NOC2L: variants seen among roughly 807,000 people sequenced by gnomAD.
The protein encoded by NOC2L is nucleolar complex protein 2 homolog.
NOC2L carries 101 observed loss-of-function variants against 94.2 expected under a neutral mutation model. The ratio of observed to expected loss-of-function variants is 1.07; its 90% CI spans 0.91 to 1.26. NOC2L has a LOEUF of 1.26. Ranked by LOEUF, NOC2L falls within the 50% of genes most tolerant of loss-of-function variation. NOC2L has a pLI of 0.00. For synonymous variants in NOC2L, 531 were observed against 413.4 expected (o/e 1.28, Z -3.45); for missense variants, 1,076 against 980.1 (o/e 1.10, Z -1.31).
chr1:946,095 T>C (rs1168359508), intron 16 of NOC2L, 78 bp downstream of exon 16: 5 of 1,097,150 alleles, frequency 4.6e-6, no homozygotes, highest in Non-Finnish European at 6.8e-6. Flanking sequence ...ACCCTCGCCC[T>C]GGTCTCAAGT....
chr1:951,241 G>C lies in NOC2L; in HGVS notation c.1332-3C>G. Reference sequence around the variant, plus strand: ...AGAAGCGGGCAGTGGGGATGAGCCTGGGGGTGGGAAGGCCGAGTGAGCAGA... The same window carrying C: ...AGAAGCGGGCAGTGGGGATGAGCCTCGGGGTGGGAAGGCCGAGTGAGCAGA... On this transcript the variant is annotated splice_region_variant and splice_polypyrimidine_tract_variant and intron_variant, in intron 11 of 18. Coordinates refer to ENST00000327044, the MANE Select transcript of NOC2L (RefSeq NM_015658.4). The C allele has an allele frequency of 6.4e-7, 1 of 1,573,462 alleles. No homozygotes were observed. The highest frequency in any genetic ancestry group is 1.2e-5 in the South Asian group (1 of 85,862).
chr1:958,311 G>A (rs551758884), intron 2 of NOC2L: 35 of 204,192 alleles, frequency 1.7e-4, no homozygotes, highest in Middle Eastern at 2.1e-3. Flanking sequence ...GGAATGCAAT[G>A]GTGCCATCTC....
At chr1:955,840 C>A in intron 6 of NOC2L, 83 bp downstream of exon 6, 1 of 1,196,042 alleles carries the variant, frequency 8.4e-7, no homozygotes, top group South Asian at 1.3e-5. Context: ...TGTCTCTGTC[C>A]TAGCCACAAG....
chr1:954,955 GC>G (rs1019997937), intron 6 of NOC2L, among the ~76,000 whole-genome samples: 16 of 152,298 alleles, frequency 1.1e-4, no homozygotes, highest in African/African-American at 3.4e-4. Flanking sequence ...CCCCAGAAAG[GC>G]CCCCCGTCCT....
At chr1:956,236 G>C in intron 4 of NOC2L, 21 bp from the exon 5 acceptor site, 1 of 1,610,876 alleles carries the variant, frequency 6.2e-7, no homozygotes, top group Admixed American at 1.7e-5. Flanking sequence ...AAGAGTACCA[G>C]GGGCGTCAGG....
In NOC2L at chr1:948,116, G is replaced by A. The variant is rs1480121514; in HGVS notation, c.1659+15C>T. The A allele has an allele frequency of 2.6e-6, 4 of 1,565,318 alleles. No homozygotes were observed. In the South Asian group the frequency reaches 3.5e-5, roughly 14 times the overall value. On this transcript the variant is annotated intron_variant, in intron 14 of 18. Coordinates refer to ENST00000327044, the MANE Select transcript of NOC2L (RefSeq NM_015658.4). ...GTCTGAGTCGGCCACGAGCCGGTGT[G>A]GGCAGGACACACACCTGCAGGACCA...
rs755399008 is a variant in NOC2L at position 959,248 on chromosome 1, AC to A, written c.-9del. 17 of 1,604,264 alleles carry A rather than the reference AC, an allele frequency of 1.1e-5. No individual in the cohort carries two copies. The highest frequency in any genetic ancestry group is 1.4e-5 in the Non-Finnish European group (17 of 1,176,228). ...GCTCCCCGCAGCTGCCATGACACCA[AC>A]CCGAAGCGTGCACCCCACTTCCGGC... On this transcript the variant is annotated 5_prime_UTR_variant, in exon 1 of 19. Transcript: ENST00000327044.
chr1:944,936 G>C (rs952882391), intron 18 of NOC2L, 121 bp downstream of exon 18: 4 of 1,514,350 alleles, frequency 2.6e-6, no homozygotes, highest in African/African-American at 2.8e-5. Flanking sequence ...AGAGCATTTG[G>C]CCTGGCCTTC....
intron 8 of NOC2L, among the ~76,000 whole-genome samples, 174 bp downstream of exon 8, chr1:953,608 G>A (rs912547783): frequency 2.0e-5 from 3 of 152,268 alleles, no homozygotes; most frequent in African/African-American, 4.8e-5. Context: ...GACTGCCTGA[G>A]ACAGAAACCC....
intron 12 of NOC2L, among the ~76,000 whole-genome samples, chr1:950,364 C>T (rs1642222810): frequency 6.6e-6 from 1 of 151,428 alleles, no homozygotes; most frequent in Non-Finnish European, 1.5e-5. Flanking sequence ...TTCATGCATG[C>T]ACAGGTAGAC....
Position 944,330 on chromosome 1 carries a change from C to T in NOC2L, c.*364G>A. The stretch of plus-strand genomic sequence containing the variant: ...TTTCAAAGACTTGGGGGAGTGAAGG[C>T]AGAGCCTGGTGCAGATGGACGAGGT... On this transcript the variant is annotated 3_prime_UTR_variant, in exon 19 of 19. Coordinates refer to ENST00000327044, the MANE Select transcript of NOC2L (RefSeq NM_015658.4). 4 of 1,382,854 alleles carry T rather than the reference C, an allele frequency of 2.9e-6. No individual in the cohort carries two copies. Among genetic ancestry groups the T allele is most frequent in the East Asian group, 2.8e-5 (1 of 36,320 alleles). The allele number at this position is 1,382,854 out of a possible 1,614,324, so 85.7% of individuals were successfully genotyped here. A position where few individuals can be genotyped will look rare whatever the true frequency, so the allele number is the denominator to read the frequency against.
chr1:944,490 G>A lies in NOC2L; in HGVS notation c.*204C>T. On this transcript the variant is annotated 3_prime_UTR_variant, in exon 19 of 19. Coordinates refer to ENST00000327044, the MANE Select transcript of NOC2L (RefSeq NM_015658.4). ...CTGACTTCAGCAGCCCACAGCTGTGGGGCTTCAGCAGCCACACCAGCCCAG... is the reference window on the plus strand; with the variant it reads ...CTGACTTCAGCAGCCCACAGCTGTGAGGCTTCAGCAGCCACACCAGCCCAG... 1.5e-6 allele frequency: 1 copy of A among 669,548 alleles called. No individual in the cohort carries two copies. Among genetic ancestry groups the A allele is most frequent in the Non-Finnish European group, 2.4e-6 (1 of 416,832 alleles). 41.5% of individuals were successfully genotyped at this position (669,548 alleles called of 1,614,324 possible).
chr1:947,870 T>C (rs1465261540), intron 14 of NOC2L, among the ~76,000 whole-genome samples: 2 of 152,238 alleles, frequency 1.3e-5, no homozygotes, highest in Non-Finnish European at 1.5e-5. Flanking sequence ...AGATCAGCCT[T>C]GTGGTTCCCA....
chr1:956,044 G>T (rs754986578), intron 5 of NOC2L, 31 bp from the exon 6 acceptor site: 1 of 1,614,086 alleles, frequency 6.2e-7, no homozygotes, highest in Non-Finnish European at 8.5e-7. Context: ...TGTACTCACG[G>T]GACAGAGAAC....
rs764900074 is a variant in NOC2L, at chr1:946,164, G to A, written c.1917+9C>T. The A allele has an allele frequency of 8.1e-6, 13 of 1,597,438 alleles. No homozygotes were observed. Among genetic ancestry groups the A allele is most frequent in the East Asian group, 4.5e-5 (2 of 44,670 alleles). ...CAACACACCCCCAGGTCCCCTCGCC[G>A]AGCCGCACCCGCTCTTTGCCACTGA... On this transcript the variant is annotated intron_variant, in intron 16 of 18. Coordinates refer to ENST00000327044, the MANE Select transcript of NOC2L (RefSeq NM_015658.4).
At position 959,050 on chromosome 1, in the gene NOC2L, G is replaced by A. The variant is rs1259755916; in HGVS notation, c.58C>T (p.Leu20=). The change falls in exon 2 of 19, where the codon CTA becomes TTA. Residue 20 remains leucine, a synonymous_variant. Coordinates refer to ENST00000327044, the MANE Select transcript of NOC2L (RefSeq NM_015658.4). ...GACTCGGAGTCAAAGCCCGAAGCTA[G>A]GAACTCGTCCACCGTCAGCTCCGCC... ...RLAELTVDEF[L]ASGFDSESES... 1.9e-6 allele frequency: 3 copies of A among 1,611,058 alleles called. No individual in the cohort carries two copies. The highest frequency in any genetic ancestry group is 2.5e-6 in the Non-Finnish European group (3 of 1,178,720).
In NOC2L at chr1:948,201, G is replaced by T; in HGVS notation, c.1589C>A (p.Thr530Asn). ...TGCCTGGCTGTGCAGGTACTCCAGG[G>T]TGAGGTCGTACAGCTGCTCCACCAG... ...DGLVEQLYDL[T>N]LEYLHSQAHC... Residue 530 changes from threonine to asparagine, a missense_variant, in exon 14 of 19, where the codon ACC becomes AAC. By Grantham distance (65) the Thr-to-Asn change is moderately conservative. Around this residue, in one of 3 missense-constraint regions of NOC2L, gnomAD observed 615 missense variants for 577.4 expected, o/e 1.07. Transcript: ENST00000327044. The T allele has an allele frequency of 6.3e-7, 1 of 1,588,816 alleles. No individual in the cohort carries two copies. The highest frequency in any genetic ancestry group is 8.6e-7 in the Non-Finnish European group (1 of 1,168,050).
chr1:959,165 A>C, intron 1 of NOC2L, 50 bp downstream of exon 1: 1 of 1,611,890 alleles, frequency 6.2e-7, no homozygotes, highest in Admixed American at 1.7e-5. Flanking sequence ...GCCCCCTTGG[A>C]TACAGACACC....
In NOC2L at chr1:944,796, TC is replaced by T; in HGVS notation, c.2147del (p.Gly716GlufsTer43). ...GEEDSSNSED[G>X]DPDAEAGLAP... Reference sequence around the variant, plus strand: ...CCAGCCCCGCCTCTGCGTCTGGGTCTCCATCTGCGGGGAGAGATGGAGGCTA... The same window carrying T: ...CCAGCCCCGCCTCTGCGTCTGGGTCTCATCTGCGGGGAGAGATGGAGGCTA... On this transcript the variant is annotated frameshift_variant, in exon 19 of 19. Coordinates refer to ENST00000327044, the MANE Select transcript of NOC2L (RefSeq NM_015658.4). LOFTEE classifies it low-confidence loss of function (END_TRUNC). 1 of 1,581,666 alleles carries T rather than the reference TC, an allele frequency of 6.3e-7. No individual in the cohort carries two copies. Among genetic ancestry groups the T allele is most frequent in the Non-Finnish European group, 8.6e-7 (1 of 1,166,392 alleles).
Sources: allele counts gnomAD v4.1 joint callset (sites outside exome capture counted in the v4.1 genomes callset), GRCh38; gene constraint gnomAD v4.1.1; regional missense constraint gnomAD v4.1.1; transcripts MANE v1.5; gene names NCBI Gene and HGNC (gene_info 2026-07-23, HGNC 2026-07-21).